The following SLCO2A1 variants were observed in gnomAD, a reference collection of about 807,000 sequenced individuals.
SLCO2A1 encodes matrin F/G 1.
Under a neutral mutation model 71.7 loss-of-function variants are expected in SLCO2A1, and 60 were observed. The ratio of observed to expected loss-of-function variants is 0.84; its 90% CI spans 0.68 to 1.04. The LOEUF is 1.04. Ranked by LOEUF, SLCO2A1 falls within the 50% of genes least tolerant of loss-of-function variation. The probability of loss-of-function intolerance (pLI) is 0.00; values close to 1 mark genes in which losing one functional copy is unlikely to be tolerated. For missense variants in SLCO2A1, 745 were observed against 813.4 expected, an observed-to-expected ratio of 0.92 and a Z score of 1.02; for synonymous variants, 308 against 326.7, an observed-to-expected ratio of 0.94 and a Z score of 0.62.
In SLCO2A1 at chr3:133,979,638, C is replaced by T. The variant is rs1286594307; in HGVS notation, c.97-20G>A. On this transcript the variant is annotated intron_variant, in intron 1 of 13. Transcript: ENST00000310926. ...AAACACCTGGGGGAAGAGTGATGGG[C>T]CCGTGAGGTTTCTGGACGACAAGCC... is the stretch of plus-strand genomic sequence containing the variant. The T allele has an allele frequency of 6.3e-7, 1 of 1,585,190 alleles. No homozygotes were observed. The highest frequency in any genetic ancestry group is 8.6e-7 in the Non-Finnish European group (1 of 1,166,274).
intron 13 of SLCO2A1, 26 bp from the exon 14 acceptor site, chr3:133,934,856 G>C (rs958961606): frequency 1.9e-6 from 3 of 1,570,414 alleles, no homozygotes; most frequent in African/African-American, 1.3e-5. Flanking sequence ...GGCAGGACTG[G>C]TGAGGGAGGG....
chr3:134,009,708 T>C (rs899153681), intron 1 of SLCO2A1, among the ~76,000 whole-genome samples: 4 of 152,240 alleles, frequency 2.6e-5, no homozygotes, highest in Non-Finnish European at 4.4e-5. Context: ...AATGAAGACC[T>C]TCAGGACCAC....
chr3:134,011,622 C>T (rs550469586), intron 1 of SLCO2A1, among the ~76,000 whole-genome samples: 13 of 152,314 alleles, frequency 8.5e-5, no homozygotes, highest in Non-Finnish European at 1.3e-4. Flanking sequence ...TACCACCCTG[C>T]GGGGTGCAGC....
chr3:133,987,208 T>C (rs2108062577), intron 1 of SLCO2A1, among the ~76,000 whole-genome samples: 1 of 129,786 alleles, frequency 7.7e-6, no homozygotes, highest in South Asian at 2.8e-4. Flanking sequence ...CAGAGTACTC[T>C]TAAAATTTAA....
chr3:133,953,570 T>A lies in SLCO2A1; in HGVS notation c.724+93A>T, dbSNP rs543178940. 22 of 979,882 alleles carry A rather than the reference T, an allele frequency of 2.2e-5. No individual in the cohort carries two copies. In the African/African-American group the frequency reaches 2.4e-4, roughly 11 times the overall value. 60.7% of individuals were successfully genotyped at this position (979,882 alleles called of 1,614,324 possible). On this transcript the variant is annotated intron_variant, in intron 5 of 13. Coordinates refer to ENST00000310926, the MANE Select transcript of SLCO2A1 (RefSeq NM_005630.3). ...GGAGGTGGCAGAGCGCATCTGGAGC[T>A]GAAGCTTCATTCTCTGTTCTGATTG...
At chr3:134,010,040 G>A (rs2108074066) in intron 1 of SLCO2A1, among the ~76,000 whole-genome samples, 1 of 152,306 alleles carries the variant, frequency 6.6e-6, no homozygotes, top group South Asian at 2.1e-4. Context: ...TATTATCTCA[G>A]TAAATTTGGT....
At chr3:133,979,376 T>C in intron 2 of SLCO2A1, 105 bp downstream of exon 2, 1 of 1,403,866 alleles carries the variant, frequency 7.1e-7, no homozygotes, top group Non-Finnish European at 1.0e-6. Flanking sequence ...AAAGAGGCAT[T>C]GCACCTATGT....
intron 10 of SLCO2A1, among the ~76,000 whole-genome samples, chr3:133,943,267 G>C (rs1357733063): frequency 6.6e-6 from 1 of 152,206 alleles, no homozygotes; most frequent in Non-Finnish European, 1.5e-5. Flanking sequence ...CTCCTGCCTA[G>C]AAGGGACTCC....
chr3:133,978,567 G>A (rs907166854), intron 2 of SLCO2A1, among the ~76,000 whole-genome samples: 1 of 152,146 alleles, frequency 6.6e-6, no homozygotes, highest in African/African-American at 2.4e-5. Flanking sequence ...GCCAGAAGCT[G>A]CCACAGGACA....
chr3:133,963,481 G>A (rs1216185723), intron 3 of SLCO2A1, among the ~76,000 whole-genome samples: 1 of 152,226 alleles, frequency 6.6e-6, no homozygotes, highest in Non-Finnish European at 1.5e-5. Context: ...GGCAAGAGGG[G>A]CTTTCCTTTG....
chr3:133,963,051 A>G (rs1559937480), intron 3 of SLCO2A1, among the ~76,000 whole-genome samples: 4 of 152,188 alleles, frequency 2.6e-5, no homozygotes, highest in Non-Finnish European at 4.4e-5. Context: ...TAGTTTTCAC[A>G]GGGCTGTGAA....
rs1187855574 is a variant in SLCO2A1, at chr3:133,934,194, A to T, written c.*519T>A. ...CTCCCGTAGTCTGTGCTGATGCCAA[A>T]CCCAGGTGTGAAGGGGGTTACAGCC... On this transcript the variant is annotated 3_prime_UTR_variant, in exon 14 of 14. Transcript: ENST00000310926. 1 of 152,810 alleles carries T rather than the reference A, an allele frequency of 6.5e-6. No homozygotes were observed. Among genetic ancestry groups the T allele is most frequent in the African/African-American group, 2.4e-5 (1 of 41,416 alleles). 9.5% of individuals were successfully genotyped at this position (152,810 alleles called of 1,614,324 possible).
chr3:134,005,280 A>T (rs1935182975), intron 1 of SLCO2A1, among the ~76,000 whole-genome samples: 1 of 152,194 alleles, frequency 6.6e-6, no homozygotes, highest in African/African-American at 2.4e-5. Flanking sequence ...CTTATCTGTT[A>T]TTAAAGTAGA....
intron 8 of SLCO2A1, among the ~76,000 whole-genome samples, chr3:133,947,801 C>G (rs1933624392): frequency 6.6e-6 from 1 of 152,134 alleles, no homozygotes; most frequent in South Asian, 2.1e-4. Flanking sequence ...CCCTATGTAC[C>G]AGTCAGAGAT....
At position 133,948,625 on chromosome 3, in the gene SLCO2A1, G is replaced by A; in HGVS notation, c.1016C>T (p.Ser339Phe). Residue 339 changes from serine to phenylalanine, a missense_variant, in exon 8 of 14, where the codon TCC becomes TTC. Coordinates refer to ENST00000310926, the MANE Select transcript of SLCO2A1 (RefSeq NM_005630.3). ...VLVVLAQCTF[S>F]SVIAGLSTFL... ...GGTGGAGAGGCCAGCAATGACGGAG[G>A]AGAAGGTGCACTGGGCCAGGACCAC... The A allele has an allele frequency of 6.2e-7, 1 of 1,614,182 alleles. No individual in the cohort carries two copies. Among genetic ancestry groups the A allele is most frequent in the Non-Finnish European group, 8.5e-7 (1 of 1,180,020 alleles).
chr3:134,012,159 C>T (rs7617777), intron 1 of SLCO2A1, among the ~76,000 whole-genome samples: 82,991 of 151,968 alleles, frequency 0.55, 23,927 homozygotes, highest in South Asian at 0.71. Flanking sequence ...CCTTCAGAGC[C>T]TAGTTTGGCT....
chr3:133,993,750 A>G (rs1258727314), intron 1 of SLCO2A1, among the ~76,000 whole-genome samples: 2 of 152,210 alleles, frequency 1.3e-5, no homozygotes, highest in South Asian at 2.1e-4. Context: ...GCATCCATTT[A>G]TGGCAGGTAT....
intron 1 of SLCO2A1, among the ~76,000 whole-genome samples, chr3:134,011,678 T>G (rs1378076936): frequency 6.6e-6 from 1 of 152,188 alleles, no homozygotes; most frequent in Non-Finnish European, 1.5e-5. Context: ...CCACTAGCAC[T>G]GGGTGAGATG....
chr3:133,965,734 C>T (rs935967895), intron 3 of SLCO2A1, among the ~76,000 whole-genome samples: 2 of 152,086 alleles, frequency 1.3e-5, no homozygotes, highest in African/African-American at 4.8e-5. Context: ...CCTCTGTCTT[C>T]TTCTCAGGGA....
Sources: allele counts gnomAD v4.1 joint callset (sites outside exome capture counted in the v4.1 genomes callset), GRCh38; gene constraint gnomAD v4.1.1; transcripts MANE v1.5; gene names NCBI Gene and HGNC (gene_info 2026-07-23, HGNC 2026-07-21).